Variants in LRRTM4 observed in about 807,000 individuals in gnomAD.
The protein encoded by LRRTM4 is leucine-rich repeat transmembrane neuronal protein 4.
A neutral mutation model predicts 47.6 loss-of-function variants in LRRTM4; 25 were observed. The observed-to-expected ratio is 0.53, with a 90% CI of 0.38 to 0.73. The LOEUF (loss-of-function observed/expected upper bound fraction) is 0.73. Among genes scored for constraint, LRRTM4 ranks in the 30% least tolerant of loss-of-function variants. The pLI, the probability that LRRTM4 is intolerant of heterozygous loss-of-function variation, is 0.00. For missense variants in LRRTM4, 638 were observed against 713.4 expected (o/e 0.89, Z 1.20); for synonymous variants, 311 against 269.5 (o/e 1.15, Z -1.51).
At chr2:76,821,551 C>T (rs1259640062) in intron 3 of LRRTM4, among the ~76,000 whole-genome samples, 1 of 151,600 alleles carries the variant, frequency 6.6e-6, no homozygotes, top group Non-Finnish European at 1.5e-5. Flanking sequence ...TGATTGAAGA[C>T]CCCAGACACC....
At chr2:77,469,004 G>A (rs992794328) in intron 3 of LRRTM4, among the ~76,000 whole-genome samples, 1 of 152,278 alleles carries the variant, frequency 6.6e-6, no homozygotes, top group Admixed American at 6.5e-5. Flanking sequence ...CTTCCCTTAG[G>A]TGTGGCTGAA....
At chr2:77,378,738 T>G (rs1672935736) in intron 3 of LRRTM4, among the ~76,000 whole-genome samples, 1 of 152,120 alleles carries the variant, frequency 6.6e-6, no homozygotes, top group Non-Finnish European at 1.5e-5. Flanking sequence ...TGGCTAGATA[T>G]GTAAGAACAG....
chr2:77,083,692 C>T (rs1277770445), intron 3 of LRRTM4, among the ~76,000 whole-genome samples: 1 of 149,794 alleles, frequency 6.7e-6, no homozygotes, highest in Non-Finnish European at 1.5e-5. Flanking sequence ...ATGCTCCTTT[C>T]ACTCACTCTG....
chr2:77,490,783 T>C (rs968514305), intron 3 of LRRTM4, among the ~76,000 whole-genome samples: 3 of 152,168 alleles, frequency 2.0e-5, no homozygotes, highest in Non-Finnish European at 2.9e-5. Flanking sequence ...CTGGACACAA[T>C]AGTCCTGTTC....
At chr2:77,066,012 A>G (rs1037993755) in intron 3 of LRRTM4, among the ~76,000 whole-genome samples, 1 of 152,184 alleles carries the variant, frequency 6.6e-6, no homozygotes, top group Non-Finnish European at 1.5e-5. Flanking sequence ...ATCTCTATAG[A>G]GCAAATTCAG....
At chr2:76,882,551 A>AT (rs1362765256) in intron 3 of LRRTM4, among the ~76,000 whole-genome samples, 2 of 151,858 alleles carry the variant, frequency 1.3e-5, no homozygotes, top group Admixed American at 6.6e-5. Flanking sequence ...AATAAAAAAA[A>AT]AAATTAACCA....
At chr2:77,049,592 T>C (rs1679359406) in intron 3 of LRRTM4, among the ~76,000 whole-genome samples, 1 of 152,074 alleles carries the variant, frequency 6.6e-6, no homozygotes, top group Non-Finnish European at 1.5e-5. Flanking sequence ...GTTTGTCTTC[T>C]ATTAGGAAAT....
intron 3 of LRRTM4, among the ~76,000 whole-genome samples, chr2:76,782,738 C>G (rs111374378): frequency 6.6e-6 from 1 of 152,170 alleles, no homozygotes; most frequent in Non-Finnish European, 1.5e-5. Context: ...AATTTTTCAA[C>G]ATATTTATTG....
chr2:77,279,761 A>T (rs958631174), intron 3 of LRRTM4, among the ~76,000 whole-genome samples: 1 of 151,984 alleles, frequency 6.6e-6, no homozygotes, highest in Non-Finnish European at 1.5e-5. Context: ...CTTACAGAGT[A>T]TTATAATAAG....
At chr2:76,929,665 T>C (rs1266731173) in intron 3 of LRRTM4, among the ~76,000 whole-genome samples, 3 of 152,054 alleles carry the variant, frequency 2.0e-5, no homozygotes, top group Non-Finnish European at 4.4e-5. Context: ...CCAGCATAAT[T>C]CCCCAGGGCT....
chr2:76,768,126 T>C (rs1342630553), intron 3 of LRRTM4, among the ~76,000 whole-genome samples: 1 of 152,188 alleles, frequency 6.6e-6, no homozygotes, highest in Non-Finnish European at 1.5e-5. Context: ...TAGAATCTTT[T>C]TTAAAAGACA....
At chr2:77,173,104 T>C (rs1673101777) in intron 3 of LRRTM4, among the ~76,000 whole-genome samples, 1 of 152,150 alleles carries the variant, frequency 6.6e-6, no homozygotes. Flanking sequence ...GAAGATACGA[T>C]CTTGATTAAT....
intron 3 of LRRTM4, among the ~76,000 whole-genome samples, chr2:76,749,388 TTATA>T (rs1269483474): frequency 6.6e-6 from 1 of 152,072 alleles, no homozygotes; most frequent in African/African-American, 2.4e-5. Context: ...ACACTTTTAT[TTATA>T]TATATAAACA....
chr2:76,826,826 T>C (rs994473497), intron 3 of LRRTM4, among the ~76,000 whole-genome samples: 2 of 151,832 alleles, frequency 1.3e-5, no homozygotes, highest in African/African-American at 2.4e-5. Context: ...GGAAAGCCCA[T>C]CTCTGGAATA....
chr2:77,028,202 G>T (rs543007771), intron 3 of LRRTM4, among the ~76,000 whole-genome samples: 34 of 152,220 alleles, frequency 2.2e-4, no homozygotes, highest in African/African-American at 8.2e-4. Flanking sequence ...TCTGAAGTAA[G>T]AAGATGTATC....
rs982504374 is a variant in LRRTM4, at chr2:77,462,518, A to T, written c.1551+55800T>A. On this transcript the variant is annotated intron_variant, in intron 3 of 3. Transcript: ENST00000409884. Reference sequence around the variant, plus strand: ...ATCTCACTCCTGGCTATCACCAATCAGTTAATAAACCTCCTGCTATGAAAT... The same window carrying T: ...ATCTCACTCCTGGCTATCACCAATCTGTTAATAAACCTCCTGCTATGAAAT... Among the ~76,000 whole-genome samples the T allele has an allele frequency of 2.0e-5, 3 of 152,040 alleles. No individual in the cohort carries two copies. In the East Asian group the frequency reaches 5.8e-4, roughly 29 times the overall value.
chr2:77,409,223 T>G (rs79696976), intron 3 of LRRTM4, among the ~76,000 whole-genome samples: 2 of 151,902 alleles, frequency 1.3e-5, no homozygotes, highest in Admixed American at 6.6e-5. Flanking sequence ...AAGTCTTTTT[T>G]TTTGTCTTTG....
chr2:77,037,590 A>G (rs1055125454), intron 3 of LRRTM4, among the ~76,000 whole-genome samples: 4 of 151,680 alleles, frequency 2.6e-5, no homozygotes, highest in Non-Finnish European at 5.9e-5. Context: ...CACTTAACAC[A>G]TTGTGTCTCA....
intron 3 of LRRTM4, among the ~76,000 whole-genome samples, chr2:77,456,091 A>C (rs963774950): frequency 1.3e-5 from 2 of 152,108 alleles, no homozygotes; most frequent in Admixed American, 1.3e-4. Flanking sequence ...TTCCAAAACT[A>C]ATTTTACCCA....
Sources: gnomAD v4.1 joint callset for allele counts (sites outside exome capture counted in the v4.1 genomes callset) on GRCh38, gnomAD v4.1.1 for gene constraint, MANE v1.5 for transcripts, NCBI Gene and HGNC (gene_info 2026-07-23, HGNC 2026-07-21) for gene names.